SLC66A2: variants seen among roughly 807,000 people sequenced by gnomAD.
SLC66A2 encodes the protein PQ loop repeat containing 1.
SLC66A2 carries 23 observed loss-of-function variants against 25.5 expected under a neutral mutation model. That is an observed-to-expected ratio of 0.90 (90% CI 0.65 to 1.28). The LOEUF (loss-of-function observed/expected upper bound fraction) is 1.28. Ranked by LOEUF, SLC66A2 falls within the 50% of genes most tolerant of loss-of-function variation. The pLI is 0.00. For synonymous variants in SLC66A2, 193 were observed against 166.5 expected (o/e 1.16, Z -1.23); for missense variants, 396 against 373.1 (o/e 1.06, Z -0.51).
rs1312091988 is a variant in SLC66A2, at chr18:79,917,098, A to AC, written c.608+2085dup. On this transcript the variant is annotated intron_variant, in intron 5 of 5. Coordinates refer to ENST00000397778, the MANE Select transcript of SLC66A2 (RefSeq NM_025078.5). This position sits in a 1 kb window ranked among gnomAD's most constrained non-coding sequence, Gnocchi z 6.0. ...TCCAATGTGTTTCTTCCACACACAG[A>AC]CCCCCCTTCCACAGGCGTTTCTGGA... Among the ~76,000 whole-genome samples the AC allele has an allele frequency of 2.6e-5, 4 of 152,040 alleles. No individual in the cohort carries two copies. Among genetic ancestry groups the AC allele is most frequent in the African/African-American group, 7.2e-5 (3 of 41,386 alleles).
chr18:79,916,140 CCG>C (rs1984047778), intron 5 of SLC66A2, among the ~76,000 whole-genome samples: 1 of 112,568 alleles, frequency 8.9e-6, no homozygotes, highest in Non-Finnish European at 1.9e-5. Flanking sequence ...CACGGTGCTC[CCG>C]TACCCGCGGC....
rs576629633 is a variant in SLC66A2 at position 79,941,146 on chromosome 18, A to G, written c.337+2183T>C. Among the ~76,000 whole-genome samples the G allele has an allele frequency of 6.9e-4, 105 of 152,234 alleles. 1 individual carries two copies. Among genetic ancestry groups the G allele is most frequent in the African/African-American group, 2.5e-3 (102 of 41,530 alleles). On this transcript the variant is annotated intron_variant, in intron 3 of 5. Transcript: ENST00000397778. This position sits in a 1 kb window ranked among gnomAD's most constrained non-coding sequence, Gnocchi z 4.1. ...AGGCCAGAGGCCCAGTGGTCTCCTG[A>G]ACTAAAACCAAGGCTGTGTCTCCTA... is the stretch of plus-strand genomic sequence containing the variant.
rs1044311394 is a variant in SLC66A2, at chr18:79,927,644, G to A, written c.391+6325C>T. 5.3e-5 allele frequency among the ~76,000 whole-genome samples: 8 copies of A among 152,068 alleles called. No homozygotes were observed. The highest frequency in any genetic ancestry group is 1.7e-4 in the African/African-American group (7 of 41,414). On this transcript the variant is annotated intron_variant, in intron 4 of 5. Coordinates refer to ENST00000397778, the MANE Select transcript of SLC66A2 (RefSeq NM_025078.5). The surrounding 1 kb of genome is among the most constrained non-coding windows in gnomAD (Gnocchi z 6.2). ...AGAGAGACCCACATCAGAGACCCTC[G>A]GGGAGTGACAGAGCCCCCGCCCCAA...
intron 5 of SLC66A2, among the ~76,000 whole-genome samples, chr18:79,909,005 T>C (rs902987620): frequency 6.6e-6 from 1 of 152,230 alleles, no homozygotes; most frequent in Non-Finnish European, 1.5e-5. Context: ...GTCATTTCCG[T>C]TGGCAGCTGA....
chr18:79,923,400 G>A (rs145470144), intron 4 of SLC66A2, among the ~76,000 whole-genome samples: 4 of 152,096 alleles, frequency 2.6e-5, no homozygotes, highest in African/African-American at 7.2e-5. Context: ...GGTGGGCTGC[G>A]GACACAGGAC....
At chr18:79,951,270 C>A (rs1484443564) in intron 1 of SLC66A2, among the ~76,000 whole-genome samples, 2 of 151,380 alleles carry the variant, frequency 1.3e-5, no homozygotes, top group Non-Finnish European at 3.0e-5. Context: ...CTGGGGTCAC[C>A]GCCCGGGTGC....
intron 3 of SLC66A2, among the ~76,000 whole-genome samples, chr18:79,939,372 G>A (rs1378415124): frequency 6.6e-6 from 1 of 152,178 alleles, no homozygotes; most frequent in Non-Finnish European, 1.5e-5. Flanking sequence ...CTTGGCAAAA[G>A]CAATAATTGA....
At chr18:79,947,158 T>C (rs1487514446) in intron 2 of SLC66A2, 3 of 152,288 alleles carry the variant, frequency 2.0e-5, no homozygotes, top group African/African-American at 7.2e-5. Flanking sequence ...TGCAGCCCAG[T>C]GTGGCCTGAT....
At position 79,904,162 on chromosome 18, in the gene SLC66A2, C is replaced by T; in HGVS notation, c.630G>A (p.Trp210Ter). Residue 210 changes from tryptophan (W) to a stop codon, truncating the protein, a stop_gained, in exon 6 of 6, where the codon TGG becomes TGA. Transcript: ENST00000397778. LOFTEE classifies it high-confidence loss of function. The surrounding 1 kb of genome is among the most constrained non-coding windows in gnomAD (Gnocchi z 6.3). ...EGMSIKMVLM[W>*]TSGDAFKTAY... The stretch of plus-strand genomic sequence containing the variant: ...CCGTCTTGAAGGCGTCACCACTGGT[C>T]CACATGAGCACCATCTTGATGCTGT... The T allele has an allele frequency of 6.2e-7, 1 of 1,612,938 alleles. No homozygotes were observed. The highest frequency in any genetic ancestry group is 8.5e-7 in the Non-Finnish European group (1 of 1,179,792).
intron 5 of SLC66A2, among the ~76,000 whole-genome samples, chr18:79,906,328 T>C (rs934075824): frequency 1.3e-5 from 2 of 152,210 alleles, no homozygotes; most frequent in Non-Finnish European, 2.9e-5. Context: ...TAAGCTTAGA[T>C]TGATGATTTG....
chr18:79,903,512 C>T lies in SLC66A2; in HGVS notation c.*464G>A, dbSNP rs1981540731. ...CCAGACCCCTGGGTAGCAGAGGCCA[C>T]CCCAGTCCAAGCAGGGTGTCTGGCC... is the stretch of plus-strand genomic sequence containing the variant. On this transcript the variant is annotated 3_prime_UTR_variant, in exon 6 of 6. Coordinates refer to ENST00000397778, the MANE Select transcript of SLC66A2 (RefSeq NM_025078.5). 1 of 168,882 alleles carries T rather than the reference C, an allele frequency of 5.9e-6. No homozygotes were observed. Among genetic ancestry groups the T allele is most frequent in the South Asian group, 1.5e-4 (1 of 6,482 alleles). 10.5% of individuals were successfully genotyped at this position (168,882 alleles called of 1,614,324 possible).
rs1987524901 is a variant in SLC66A2, at chr18:79,940,161, G to C, written c.337+3168C>G. On this transcript the variant is annotated intron_variant, in intron 3 of 5. Coordinates refer to ENST00000397778, the MANE Select transcript of SLC66A2 (RefSeq NM_025078.5). The surrounding 1 kb of genome is among the most constrained non-coding windows in gnomAD (Gnocchi z 4.1). ...GACCAAATGCCGCATGTTCTCACGTGTAAGTGGGAGCTAAATGATGAGAAC... is the reference window on the plus strand; with the variant it reads ...GACCAAATGCCGCATGTTCTCACGTCTAAGTGGGAGCTAAATGATGAGAAC... 6.6e-6 allele frequency among the ~76,000 whole-genome samples: 1 copy of C among 152,196 alleles called. No homozygotes were observed. The highest frequency in any genetic ancestry group is 1.5e-5 in the Non-Finnish European group (1 of 68,030).
Position 79,904,946 on chromosome 18 carries a change from A to G in SLC66A2, c.609-763T>C, listed in dbSNP as rs942377675. On this transcript the variant is annotated intron_variant, in intron 5 of 5. Transcript: ENST00000397778. The surrounding 1 kb of genome is among the most constrained non-coding windows in gnomAD (Gnocchi z 6.3). ...GGAGCGCTGCCTGGACAGAAAGGACAGGACACAGCCCTCCCCCACCCTGGG... is the reference window on the plus strand; with the variant it reads ...GGAGCGCTGCCTGGACAGAAAGGACGGGACACAGCCCTCCCCCACCCTGGG... 2.0e-5 allele frequency among the ~76,000 whole-genome samples: 3 copies of G among 152,188 alleles called. No homozygotes were observed. The highest frequency in any genetic ancestry group is 6.5e-5 in the Admixed American group (1 of 15,288).
chr18:79,929,948 C>CAA (rs994950840), intron 4 of SLC66A2, among the ~76,000 whole-genome samples: 10 of 151,968 alleles, frequency 6.6e-5, no homozygotes, highest in African/African-American at 2.4e-4. Context: ...AACACAGTCT[C>CAA]AGAGAAAGGT....
chr18:79,911,834 G>GACAGGAGCAGGGAGGGGA (rs1668988677), intron 5 of SLC66A2, among the ~76,000 whole-genome samples: 1 of 141,910 alleles, frequency 7.0e-6, no homozygotes, highest in Non-Finnish European at 1.5e-5. Context: ...GCAGGAAGGG[G>GACAGGAGCAGGGAGGGGA]ACAGGAGCAG....
At chr18:79,919,041 A>G (rs1984641955) in intron 5 of SLC66A2, 143 bp downstream of exon 5, 1 of 778,608 alleles carries the variant, frequency 1.3e-6, no homozygotes, top group Non-Finnish European at 2.1e-6. Context: ...AGGCCTATAA[A>G]CCTGCTATTC....
intron 4 of SLC66A2, among the ~76,000 whole-genome samples, chr18:79,929,450 C>A (rs578041824): frequency 6.6e-6 from 1 of 152,212 alleles, no homozygotes; most frequent in East Asian, 1.9e-4. Context: ...GTAAGTCATC[C>A]TTCCCCCAAG....
intron 4 of SLC66A2, among the ~76,000 whole-genome samples, chr18:79,930,514 A>T (rs1277686757): frequency 6.6e-6 from 1 of 152,212 alleles, no homozygotes; most frequent in Non-Finnish European, 1.5e-5. Context: ...AAAAGAGTAC[A>T]GGTAAAGACA....
At position 79,951,033 on chromosome 18, in the gene SLC66A2, G is replaced by C. The variant is rs1329710444; in HGVS notation, c.-99-8C>G. The stretch of plus-strand genomic sequence containing the variant: ...CTCCTGCGGCCTCGGGGCCTGCGGG[G>C]AGCGGGGAGCTGCTCGAGTTCCGCC... On this transcript the variant is annotated splice_region_variant and splice_polypyrimidine_tract_variant and intron_variant, in intron 1 of 5. Coordinates refer to ENST00000397778, the MANE Select transcript of SLC66A2 (RefSeq NM_025078.5). The C allele has an allele frequency of 1.2e-6, 1 of 803,976 alleles. No homozygotes were observed. Among genetic ancestry groups the C allele is most frequent in the Non-Finnish European group, 1.7e-6 (1 of 582,474 alleles). The allele number at this position is 803,976 out of a possible 1,614,324, so 49.8% of individuals were successfully genotyped here. A position where few individuals can be genotyped will look rare whatever the true frequency, so the allele number is the denominator to read the frequency against.
Sources: allele counts gnomAD v4.1 joint callset (sites outside exome capture counted in the v4.1 genomes callset), GRCh38; gene constraint gnomAD v4.1.1; non-coding constraint Gnocchi (gnomAD v3.1); transcripts MANE v1.5; gene names NCBI Gene and HGNC (gene_info 2026-07-23, HGNC 2026-07-21).